Variants in PTPRQ observed in about 807,000 individuals in gnomAD.
The protein encoded by PTPRQ is protein tyrosine phosphatase receptor type Q, also known as phosphatidylinositol phosphatase PTPRQ.
A neutral mutation model predicts 246.0 loss-of-function variants in PTPRQ; 199 were observed. The ratio of observed to expected loss-of-function variants is 0.81; its 90% confidence interval spans 0.72 to 0.91. The LOEUF is 0.91. Ranked by LOEUF, PTPRQ falls within the 40% of genes least tolerant of loss-of-function variation. PTPRQ has a pLI of 0.00. For missense variants in PTPRQ, 2,624 were observed against 2,528.4 expected, an observed-to-expected ratio of 1.04 and a Z score of -0.81; for synonymous variants, 869 against 853.2, an observed-to-expected ratio of 1.02 and a Z score of -0.32.
chr12:80,654,569 C>T (rs1057063523), intron 38 of PTPRQ, among the ~76,000 whole-genome samples: 2 of 151,816 alleles, frequency 1.3e-5, no homozygotes, highest in African/African-American at 4.8e-5. Flanking sequence ...AATTAATGGC[C>T]TGGCGCGGTG....
chr12:80,571,747 T>C (rs574042958), intron 25 of PTPRQ, among the ~76,000 whole-genome samples: 5 of 152,166 alleles, frequency 3.3e-5, no homozygotes, highest in African/African-American at 4.8e-5. Context: ...TATCAAAACA[T>C]TTAATAACTA....
chr12:80,496,327 G>T lies in PTPRQ; in HGVS notation c.2068G>T (p.Glu690Ter), dbSNP rs866364601. The T allele has an allele frequency of 1.9e-6, 3 of 1,550,598 alleles. No homozygotes were observed. The highest frequency in any genetic ancestry group is 3.9e-5 in the Admixed American group (2 of 50,914). ...DEIRLKWSPP[E>*]KPNGIIIAYE... ...AATAAGGTTGAAGTGGTCACCACCC[G>T]AAAAGCCCAATGGGATCATTATTGC... The change falls in exon 14 of 45, where the codon GAA (glutamate) becomes TAA (stop). Residue 690 changes from glutamate to a stop codon, truncating the protein, a stop_gained. Transcript: ENST00000644991. LOFTEE classifies it high-confidence loss of function.
intron 25 of PTPRQ, among the ~76,000 whole-genome samples, chr12:80,568,499 C>T (rs1897044787): frequency 6.6e-6 from 1 of 152,184 alleles, no homozygotes; most frequent in Non-Finnish European, 1.5e-5. Flanking sequence ...TTCATCAGAA[C>T]CACTTGCTTT....
intron 33 of PTPRQ, among the ~76,000 whole-genome samples, chr12:80,626,641 A>G (rs1278912054): frequency 6.6e-6 from 1 of 152,152 alleles, no homozygotes; most frequent in Non-Finnish European, 1.5e-5. Context: ...TGGTGGCAGA[A>G]CCTGCTTTCA....
chr12:80,530,771 A>T (rs1010541152), intron 17 of PTPRQ, among the ~76,000 whole-genome samples: 1 of 152,164 alleles, frequency 6.6e-6, no homozygotes, highest in African/African-American at 2.4e-5. Context: ...GGGTACTCTC[A>T]CACATTGGTG....
At position 80,669,483 on chromosome 12, in the gene PTPRQ, G is replaced by GA; in HGVS notation, c.6453+20dup. The GA allele has an allele frequency of 6.5e-7, 1 of 1,533,918 alleles. No individual in the cohort carries two copies. The highest frequency in any genetic ancestry group is 1.2e-5 in the South Asian group (1 of 80,200). On this transcript the variant is annotated intron_variant, in intron 41 of 44. Transcript: ENST00000644991. ...TGAAAGGGTAAAAAAAAAAGGGGGG[G>GA]ACGAGAGAACATGATATAAAATATG...
At chr12:80,576,540 C>T (rs1296527058) in intron 25 of PTPRQ, among the ~76,000 whole-genome samples, 1 of 152,074 alleles carries the variant, frequency 6.6e-6, no homozygotes, top group Non-Finnish European at 1.5e-5. Flanking sequence ...TCCATCCATC[C>T]ATTCATCTAT....
Position 80,454,478 on chromosome 12 carries a change from G to A in PTPRQ, c.391-3097G>A, listed in dbSNP as rs138095498. The A allele has an allele frequency of 6.1e-4, 426 of 701,820 alleles. 5 individuals carry two copies. In the East Asian group the frequency reaches 8.3e-3, roughly 14 times the overall value. 43.5% of individuals were successfully genotyped at this position (701,820 alleles called of 1,614,324 possible). ...TTTTATTTCTTTCTCTTGCTTGATCGCTCTGGCTAGGCCTTCCAGTACTGT... is the reference window on the plus strand; with the variant it reads ...TTTTATTTCTTTCTCTTGCTTGATCACTCTGGCTAGGCCTTCCAGTACTGT... On this transcript the variant is annotated intron_variant, in intron 3 of 44. Coordinates refer to ENST00000644991, the MANE Select transcript of PTPRQ (RefSeq NM_001145026.2).
At chr12:80,457,134 AT>A (rs1156930343) in intron 3 of PTPRQ, among the ~76,000 whole-genome samples, 7 of 152,052 alleles carry the variant, frequency 4.6e-5, no homozygotes, top group Non-Finnish European at 1.0e-4. Context: ...TATCTAATTT[AT>A]TTTTTTAAAA....
chr12:80,601,151 C>A (rs1898130632), intron 26 of PTPRQ, among the ~76,000 whole-genome samples: 1 of 151,820 alleles, frequency 6.6e-6, no homozygotes, highest in Non-Finnish European at 1.5e-5. Flanking sequence ...GACCTTGTCT[C>A]ATTTTTCACC....
At chr12:80,586,133 A>T (rs1897609163) in intron 25 of PTPRQ, among the ~76,000 whole-genome samples, 2 of 151,808 alleles carry the variant, frequency 1.3e-5, no homozygotes, top group South Asian at 4.2e-4. Flanking sequence ...CCAGTCTATC[A>T]TTGTTGGACA....
chr12:80,461,304 G>A (rs1893159118), intron 6 of PTPRQ, among the ~76,000 whole-genome samples: 1 of 152,112 alleles, frequency 6.6e-6, no homozygotes. Context: ...TCAACATTTA[G>A]TTATCAGATA....
At chr12:80,484,393 A>AT (rs1163099043) in intron 8 of PTPRQ, 40 bp from the exon 9 acceptor site, 1 of 1,397,334 alleles carries the variant, frequency 7.2e-7, no homozygotes, top group Non-Finnish European at 9.3e-7. Context: ...AAATATTTTT[A>AT]ATTTCCCCCT....
rs1283425097 is a variant in PTPRQ at position 80,444,442 on chromosome 12, G to C, written c.54+43G>C. The stretch of plus-strand genomic sequence containing the variant: ...TTTAAAAACAAGGGCTAAGTCATGG[G>C]CTGTAGATTTCTCAAGACTTGAATA... On this transcript the variant is annotated intron_variant, in intron 1 of 44. Coordinates refer to ENST00000644991, the MANE Select transcript of PTPRQ (RefSeq NM_001145026.2). 9.7e-6 allele frequency: 11 copies of C among 1,131,042 alleles called. No individual in the cohort carries two copies. The East Asian group carries it at 2.8e-4, about 29-fold the overall frequency. The allele number at this position is 1,131,042 out of a possible 1,614,324, so 70.1% of individuals were successfully genotyped here.
At chr12:80,566,239 A>C (rs1394623572) in intron 25 of PTPRQ, among the ~76,000 whole-genome samples, 2 of 152,198 alleles carry the variant, frequency 1.3e-5, no homozygotes, top group Non-Finnish European at 2.9e-5. Flanking sequence ...GCACTTTGGG[A>C]GGCCGAGGCA....
At chr12:80,469,603 C>G (rs535666089) in intron 7 of PTPRQ, among the ~76,000 whole-genome samples, 1 of 152,200 alleles carries the variant, frequency 6.6e-6, no homozygotes, top group South Asian at 2.1e-4. Context: ...ATACAGAGTT[C>G]CAACTCATTT....
At chr12:80,668,091 A>G (rs1900844214) in intron 39 of PTPRQ, among the ~76,000 whole-genome samples, 1 of 152,016 alleles carries the variant, frequency 6.6e-6, no homozygotes, top group Non-Finnish European at 1.5e-5. Context: ...GACAATTTCA[A>G]TGTAAAAAAG....
chr12:80,651,005 A>T (rs1462265624), intron 37 of PTPRQ, among the ~76,000 whole-genome samples: 1 of 152,026 alleles, frequency 6.6e-6, no homozygotes, highest in Non-Finnish European at 1.5e-5. Flanking sequence ...TTAACTCAGG[A>T]CATATTCACT....
chr12:80,618,692 A>G (rs995475069), intron 30 of PTPRQ, among the ~76,000 whole-genome samples: 2 of 151,604 alleles, frequency 1.3e-5, no homozygotes, highest in South Asian at 2.1e-4. Flanking sequence ...CACCAGATGA[A>G]CGGTTGAATA....
Sources: allele counts gnomAD v4.1 joint callset (sites outside exome capture counted in the v4.1 genomes callset), GRCh38; gene constraint gnomAD v4.1.1; transcripts MANE v1.5; gene names NCBI Gene and HGNC (gene_info 2026-07-23, HGNC 2026-07-21).